The following HUNK variants were observed in gnomAD, a reference collection of about 807,000 sequenced individuals.
The protein encoded by HUNK is hormonally up-regulated Neu-associated kinase, also known as hormonally up-regulated neu tumor-associated kinase.
In HUNK, 21 loss-of-function variants were observed where a neutral mutation model predicts 61.0. The observed-to-expected ratio is 0.34, with a 90% CI of 0.24 to 0.50. HUNK has a LOEUF of 0.50. HUNK is among the 20% of genes least tolerant of loss of function. The pLI is 0.98. For synonymous variants in HUNK, 371 were observed against 386.1 expected, an observed-to-expected ratio of 0.96 and a Z score of 0.46; for missense variants, 772 against 945.7, an observed-to-expected ratio of 0.82 and a Z score of 2.41.
intron 1 of HUNK, among the ~76,000 whole-genome samples, chr21:31,887,006 G>A (rs2052351605): frequency 6.6e-6 from 1 of 152,202 alleles, no homozygotes; most frequent in South Asian, 2.1e-4. Context: ...CTTCTAGGGG[G>A]TAATGTCCAA....
At chr21:31,887,612 C>T (rs759891935) in intron 1 of HUNK, among the ~76,000 whole-genome samples, 1 of 152,186 alleles carries the variant, frequency 6.6e-6, no homozygotes, top group Non-Finnish European at 1.5e-5. Flanking sequence ...TTTCTTCAGA[C>T]GCTCTTGTAT....
In HUNK at chr21:31,995,852, C is replaced by A. The variant is rs754660206; in HGVS notation, c.1390C>A (p.His464Asn). Reference protein sequence around the residue: ...SKKLDKNLPSHKQPSGSLMTQ... With the variant: ...SKKLDKNLPSNKQPSGSLMTQ... The stretch of plus-strand genomic sequence containing the variant: ...GAAGTTGGACAAGAACCTGCCCTCG[C>A]ACAAACAGCCCTCAGGCTCGCTTAT... Residue 464 changes from histidine (H) to asparagine (N), a missense_variant, in exon 10 of 11, where the codon CAC becomes AAC. Coordinates refer to ENST00000270112, the MANE Select transcript of HUNK (RefSeq NM_014586.2). The A allele has an allele frequency of 6.2e-7, 1 of 1,614,000 alleles. No homozygotes were observed. The highest frequency in any genetic ancestry group is 1.1e-5 in the South Asian group (1 of 91,076).
At position 31,873,278 on chromosome 21, in the gene HUNK, G is replaced by C. The variant is rs941138609; in HGVS notation, c.-397G>C. ...CGAGGCGGAGGCTGCGGAGGCACCCGGGCTCCCGGACCCAGGCACCCGGAC... is the reference window on the plus strand; with the variant it reads ...CGAGGCGGAGGCTGCGGAGGCACCCCGGCTCCCGGACCCAGGCACCCGGAC... On this transcript the variant is annotated 5_prime_UTR_variant, in exon 1 of 11. Transcript: ENST00000270112. This position sits in a 1 kb window ranked among gnomAD's most constrained non-coding sequence, Gnocchi z 6.1. The C allele has an allele frequency of 5.9e-5, 9 of 152,102 alleles. No homozygotes were observed. The highest frequency in any genetic ancestry group is 1.9e-4 in the African/African-American group (8 of 41,484). The allele number at this position is 152,102 out of a possible 1,614,324, so 9.4% of individuals were successfully genotyped here.
chr21:31,979,585 A>G (rs1015981838), intron 7 of HUNK, among the ~76,000 whole-genome samples: 2 of 127,202 alleles, frequency 1.6e-5, no homozygotes, highest in African/African-American at 3.1e-5. Flanking sequence ...GCGTGATCTC[A>G]GCTCACTGCA....
chr21:31,947,675 C>T lies in HUNK; in HGVS notation c.746+1504C>T, dbSNP rs184767069. ...AATAAATATTTGGAGGATGAATCCTCAGTTGCACCAAAGGTAGAGCCTGGG... is the reference window on the plus strand; with the variant it reads ...AATAAATATTTGGAGGATGAATCCTTAGTTGCACCAAAGGTAGAGCCTGGG... On this transcript the variant is annotated intron_variant, in intron 4 of 10. Transcript: ENST00000270112. 2.2e-3 allele frequency among the ~76,000 whole-genome samples: 338 copies of T among 152,258 alleles called. 4 individuals carry two copies. The highest frequency in any genetic ancestry group is 7.8e-3 in the African/African-American group (322 of 41,548).
intron 1 of HUNK, among the ~76,000 whole-genome samples, chr21:31,909,440 C>A (rs114601777): frequency 6.6e-6 from 1 of 152,192 alleles, no homozygotes; most frequent in Non-Finnish European, 1.5e-5. Flanking sequence ...GCGTTGGGAG[C>A]TGCCATTGTT....
chr21:31,977,001 G>A (rs1601406903), intron 7 of HUNK, among the ~76,000 whole-genome samples: 1 of 151,836 alleles, frequency 6.6e-6, no homozygotes, highest in East Asian at 1.9e-4. Flanking sequence ...GAATTCCTGA[G>A]CTCAAGCAGT....
chr21:31,953,240 A>G (rs1479101246), intron 4 of HUNK, among the ~76,000 whole-genome samples: 1 of 146,634 alleles, frequency 6.8e-6, no homozygotes, highest in African/African-American at 2.5e-5. Context: ...ATAGGTTTCC[A>G]TTCTTTTTTT....
chr21:31,955,605 A>T (rs2123838800), intron 4 of HUNK, among the ~76,000 whole-genome samples: 1 of 152,326 alleles, frequency 6.6e-6, no homozygotes, highest in East Asian at 1.9e-4. Context: ...AAGAAAAAGA[A>T]ATACCAAGGC....
At chr21:31,997,891 C>T (rs1023633687) in intron 10 of HUNK, among the ~76,000 whole-genome samples, 11 of 151,970 alleles carry the variant, frequency 7.2e-5, no homozygotes, top group Non-Finnish European at 8.8e-5. Context: ...ATTCCAAGAT[C>T]CTTTGGCAAG....
At chr21:31,883,793 C>T (rs2052327018) in intron 1 of HUNK, among the ~76,000 whole-genome samples, 1 of 152,158 alleles carries the variant, frequency 6.6e-6, no homozygotes, top group Non-Finnish European at 1.5e-5. Context: ...TGCTTTGTTG[C>T]CCACCCTTGT....
At chr21:31,877,263 C>G (rs1317357931) in intron 1 of HUNK, among the ~76,000 whole-genome samples, 1 of 152,038 alleles carries the variant, frequency 6.6e-6, no homozygotes, top group Non-Finnish European at 1.5e-5. Context: ...TGTGTTTCGA[C>G]TTGGTTACAC....
chr21:31,943,856 CAG>C lies in HUNK; in HGVS notation c.611-2177_611-2176del, dbSNP rs1205056419. ...GAAGGGACTGCTTTGAGATTAGGAA[CAG>C]AGTCTTTTGCTTTGATCTCAGAAGT... On this transcript the variant is annotated intron_variant, in intron 3 of 10. Coordinates refer to ENST00000270112, the MANE Select transcript of HUNK (RefSeq NM_014586.2). Among the ~76,000 whole-genome samples the C allele has an allele frequency of 7.9e-5, 12 of 152,336 alleles. No individual in the cohort carries two copies. In the South Asian group the frequency reaches 1.0e-3, roughly 13 times the overall value.
chr21:31,986,703 G>C (rs535936952), intron 8 of HUNK, among the ~76,000 whole-genome samples: 2 of 152,220 alleles, frequency 1.3e-5, no homozygotes, highest in East Asian at 3.9e-4. Context: ...GGCTTGCTGT[G>C]CTCTCTCTGC....
chr21:31,977,055 G>A (rs893972913), intron 7 of HUNK, among the ~76,000 whole-genome samples: 13 of 152,124 alleles, frequency 8.5e-5, no homozygotes, highest in Non-Finnish European at 1.8e-4. Context: ...ACAGCTGTGA[G>A]CCACCATGCC....
chr21:31,930,384 C>G (rs1179183989), intron 2 of HUNK, among the ~76,000 whole-genome samples: 1 of 152,168 alleles, frequency 6.6e-6, no homozygotes, highest in East Asian at 1.9e-4. Context: ...TCATTTTATC[C>G]ACGGGAAGCT....
chr21:31,934,442 CAAAAA>C (rs35817125), intron 2 of HUNK, among the ~76,000 whole-genome samples: 2 of 88,822 alleles, frequency 2.3e-5, no homozygotes, highest in South Asian at 3.8e-4. Flanking sequence ...GACTCTGCCT[CAAAAA>C]AAAAAAAAAA....
At chr21:31,911,173 G>C (rs1338911049) in intron 1 of HUNK, among the ~76,000 whole-genome samples, 1 of 152,234 alleles carries the variant, frequency 6.6e-6, no homozygotes, top group Non-Finnish European at 1.5e-5. Context: ...AGCGCCGCCT[G>C]TGTGCGGGGG....
chr21:31,930,350 TA>T (rs2052688232), intron 2 of HUNK, among the ~76,000 whole-genome samples: 1 of 152,230 alleles, frequency 6.6e-6, no homozygotes, highest in Non-Finnish European at 1.5e-5. Flanking sequence ...ATGTTCTCTG[TA>T]ATTACTACTC....
Sources: gnomAD v4.1 joint callset for allele counts (sites outside exome capture counted in the v4.1 genomes callset) on GRCh38, gnomAD v4.1.1 for gene constraint, Gnocchi (gnomAD v3.1) non-coding constraint, MANE v1.5 for transcripts, NCBI Gene and HGNC (gene_info 2026-07-23, HGNC 2026-07-21) for gene names.